MIS18A: variants seen among roughly 807,000 people sequenced by gnomAD.
The protein encoded by MIS18A is MIS18 kinetochore protein A, also known as protein Mis18-alpha.
In MIS18A, 14 loss-of-function variants were observed where a neutral mutation model predicts 25.0. The observed-to-expected ratio is 0.56, with a 90% CI of 0.37 to 0.88. The LOEUF is 0.88. Ranked by LOEUF, MIS18A falls within the 40% of genes least tolerant of loss-of-function variation. The pLI, the probability that MIS18A is intolerant of heterozygous loss-of-function variation, is 0.00. For missense variants in MIS18A, 292 were observed against 290.8 expected (o/e 1.00, Z -0.03); for synonymous variants, 134 against 118.6 (o/e 1.13, Z -0.84).
At chr21:32,232,509 T>C in the MIS18A span, among the ~76,000 whole-genome samples, 10 of 151,792 alleles carry the variant, frequency 6.6e-5, no homozygotes, top group East Asian at 1.7e-3. Flanking sequence ...ATAACTTCCA[T>C]TGTATACAGA....
the MIS18A span, chr21:32,260,011 T>C: frequency 6.6e-6 from 1 of 152,090 alleles, no homozygotes; most frequent in Admixed American, 6.5e-5. Context: ...GGTTACTTTC[T>C]TTTTACTCTT....
chr21:32,203,806 A>G, the MIS18A span, among the ~76,000 whole-genome samples: 1 of 151,910 alleles, frequency 6.6e-6, no homozygotes, highest in East Asian at 1.9e-4. Flanking sequence ...TTTTGTAGAG[A>G]CAAGGTTTCA....
the MIS18A span, among the ~76,000 whole-genome samples, chr21:32,237,529 T>G: frequency 1.3e-5 from 2 of 152,102 alleles, no homozygotes; most frequent in African/African-American, 4.8e-5. Flanking sequence ...AAGAAATCAT[T>G]TAAGCTTCAT....
At chr21:32,194,341 G>GATAT in the MIS18A span, among the ~76,000 whole-genome samples, 1 of 151,136 alleles carries the variant, frequency 6.6e-6, no homozygotes, top group Admixed American at 6.6e-5. Flanking sequence ...CCATATGTAT[G>GATAT]ATATATATAT....
chr21:32,251,193 A>C, the MIS18A span, among the ~76,000 whole-genome samples: 1 of 152,202 alleles, frequency 6.6e-6, no homozygotes, highest in Non-Finnish European at 1.5e-5. Context: ...GCAGTTCTTT[A>C]TAGCAGCATG....
At chr21:32,258,924 A>G in the MIS18A span, among the ~76,000 whole-genome samples, 1 of 151,836 alleles carries the variant, frequency 6.6e-6, no homozygotes, top group South Asian at 2.1e-4. Flanking sequence ...CCCAGGACGG[A>G]GTGCAGTGGT....
At chr21:32,255,020 A>AAT in the MIS18A span, among the ~76,000 whole-genome samples, 1 of 152,218 alleles carries the variant, frequency 6.6e-6, no homozygotes, top group Non-Finnish European at 1.5e-5. Context: ...AACTATTCAT[A>AAT]ATATAGTAAT....
At chr21:32,272,449 A>C (rs939926345) in intron 2 of MIS18A, among the ~76,000 whole-genome samples, 76 of 152,350 alleles carry the variant, frequency 5.0e-4, no homozygotes, top group African/African-American at 1.5e-3. Context: ...TAGGTGATAC[A>C]AACAGTATTA....
At chr21:32,275,660 AAAC>A (rs749613291) in intron 1 of MIS18A, among the ~76,000 whole-genome samples, 1 of 152,202 alleles carries the variant, frequency 6.6e-6, no homozygotes, top group Non-Finnish European at 1.5e-5. Context: ...AAAATGGCCA[AAAC>A]AGACTCTTGA....
the MIS18A span, among the ~76,000 whole-genome samples, chr21:32,193,529 T>A: frequency 6.6e-6 from 1 of 150,564 alleles, no homozygotes; most frequent in African/African-American, 2.4e-5. Context: ...GATGGATAGA[T>A]CGATCGATCT....
the MIS18A span, among the ~76,000 whole-genome samples, chr21:32,158,116 C>T: frequency 6.6e-6 from 1 of 152,126 alleles, no homozygotes; most frequent in African/African-American, 2.4e-5. Context: ...CCACATGACA[C>T]ATATAGAAAT....
the MIS18A span, among the ~76,000 whole-genome samples, chr21:32,259,164 G>A: frequency 3.3e-5 from 5 of 152,196 alleles, no homozygotes; most frequent in African/African-American, 4.8e-5. Context: ...GGGAGCCACC[G>A]TGCCCAGCCA....
At chr21:32,226,890 C>G in the MIS18A span, among the ~76,000 whole-genome samples, 3 of 152,070 alleles carry the variant, frequency 2.0e-5, no homozygotes, top group Non-Finnish European at 4.4e-5. Context: ...AAAATATGTT[C>G]TCCAACCATA....
At chr21:32,247,905 C>T in the MIS18A span, among the ~76,000 whole-genome samples, 3 of 152,218 alleles carry the variant, frequency 2.0e-5, no homozygotes, top group Non-Finnish European at 4.4e-5. Flanking sequence ...AGTCCCCATC[C>T]TACTCAGGCT....
the MIS18A span, among the ~76,000 whole-genome samples, chr21:32,235,924 A>G: frequency 1.3e-5 from 2 of 152,192 alleles, no homozygotes; most frequent in Non-Finnish European, 2.9e-5. Flanking sequence ...TTCCCTTTGA[A>G]GAGTGTCCTG....
chr21:32,167,577 G>A, the MIS18A span, among the ~76,000 whole-genome samples: 5 of 152,230 alleles, frequency 3.3e-5, no homozygotes, highest in Non-Finnish European at 5.9e-5. Context: ...CCTTACTGGG[G>A]CATAGAGAGC....
the MIS18A span, among the ~76,000 whole-genome samples, chr21:32,237,267 G>GGTCATGCAGCATGAGAGA: frequency 6.6e-6 from 1 of 152,192 alleles, no homozygotes; most frequent in African/African-American, 2.4e-5. Flanking sequence ...TGCCTGAGAG[G>GGTCATGCAGCATGAGAGA]GTCATGCAGC....
downstream of MIS18A, among the ~76,000 whole-genome samples, chr21:32,264,994 C>T (rs2031565778): frequency 6.6e-6 from 1 of 152,156 alleles, no homozygotes; most frequent in Non-Finnish European, 1.5e-5. Flanking sequence ...CTTTAAAGGC[C>T]GCATACCAGG....
At chr21:32,261,495 A>G in the MIS18A span, 1 of 152,238 alleles carries the variant, frequency 6.6e-6, no homozygotes. Flanking sequence ...AAGAATCAAT[A>G]GAGTGGTTAG....
Sources: gnomAD v4.1 joint callset for allele counts (sites outside exome capture counted in the v4.1 genomes callset) on GRCh38, gnomAD v4.1.1 for gene constraint, MANE v1.5 for transcripts, NCBI Gene and HGNC (gene_info 2026-07-23, HGNC 2026-07-21) for gene names.